Variants in NEURL1B observed in about 807,000 individuals in gnomAD.
NEURL1B encodes the protein neuralized E3 ubiquitin protein ligase 1B, also known as E3 ubiquitin-protein ligase NEURL1B.
In NEURL1B, 13 loss-of-function variants were observed where a neutral mutation model predicts 37.4. The ratio of observed to expected loss-of-function variants is 0.35; its 90% CI spans 0.23 to 0.55. The LOEUF (loss-of-function observed/expected upper bound fraction) is 0.55, where lower values mean the gene tolerates loss of function less well. Among genes scored for constraint, NEURL1B ranks in the 20% least tolerant of loss-of-function variants. The probability of loss-of-function intolerance (pLI) is 0.89; values close to 1 mark genes in which losing one functional copy is unlikely to be tolerated. For synonymous variants in NEURL1B, 432 were observed against 426.6 expected, an observed-to-expected ratio of 1.01 and a Z score of -0.16; for missense variants, 790 against 879.2, an observed-to-expected ratio of 0.90 and a Z score of 1.28.
rs1440480813 is a variant in NEURL1B, at chr5:172,670,021, C to T, written c.268C>T (p.Arg90Cys). The T allele has an allele frequency of 1.3e-6, 2 of 1,491,614 alleles. No individual in the cohort carries two copies. Among genetic ancestry groups the T allele is most frequent in the Admixed American group, 2.3e-5 (1 of 43,042 alleles). The allele number at this position is 1,491,614 out of a possible 1,614,324, so 92.4% of individuals were successfully genotyped here. A position where few individuals can be genotyped will look rare whatever the true frequency, so the allele number is the denominator to read the frequency against. ...EQVRLRLVAVRPGWSGALRFG... is the reference protein window; with the variant it reads ...EQVRLRLVAVCPGWSGALRFG... ...GGTGCGGCTGCGCCTGGTGGCCGTG[C>T]GCCCTGGCTGGAGCGGCGCGCTGCG... Residue 90 changes from arginine to cysteine, a missense_variant, in exon 2 of 5, where the codon CGC becomes TGC. Arg to Cys is a radical substitution (Grantham distance 180, BLOSUM62 -3). Transcript: ENST00000369800.
At chr5:172,670,642 C>CTCATTCATTCAT (rs111734526) in intron 2 of NEURL1B, among the ~76,000 whole-genome samples, 1 of 152,136 alleles carries the variant, frequency 6.6e-6, no homozygotes, top group African/African-American at 2.4e-5. Context: ...AGTTTATTTG[C>CTCATTCATTCAT]TCATTCATTC....
intron 1 of NEURL1B, among the ~76,000 whole-genome samples, chr5:172,656,344 G>GT (rs1429719985): frequency 2.0e-5 from 3 of 151,906 alleles, no homozygotes; most frequent in Non-Finnish European, 1.5e-5. Flanking sequence ...AGGAAGTTAA[G>GT]TTTATTTTTT....
At chr5:172,646,426 T>C (rs981197633) in intron 1 of NEURL1B, among the ~76,000 whole-genome samples, 1 of 152,224 alleles carries the variant, frequency 6.6e-6, no homozygotes, top group Non-Finnish European at 1.5e-5. Context: ...CAGGTGCCCT[T>C]CACTCCTTGC....
chr5:172,651,550 G>C (rs149500553), intron 1 of NEURL1B, among the ~76,000 whole-genome samples: 5,272 of 152,190 alleles, frequency 0.035, 265 homozygotes, highest in African/African-American at 0.12. Context: ...TGGGATGAAG[G>C]TGCAACATTG....
At position 172,641,982 on chromosome 5, in the gene NEURL1B, A is replaced by G. The variant is rs988804459; in HGVS notation, c.31+545A>G. Reference sequence around the variant, plus strand: ...TGCGCCCCCCTCTGGTGTCCGCTCCACTGGGGACTCCTTCGCCCCCTCGGA... The same window carrying G: ...TGCGCCCCCCTCTGGTGTCCGCTCCGCTGGGGACTCCTTCGCCCCCTCGGA... On this transcript the variant is annotated intron_variant, in intron 1 of 4. Coordinates refer to ENST00000369800, the MANE Select transcript of NEURL1B (RefSeq NM_001142651.3). The surrounding 1 kb of genome is among the most constrained non-coding windows in gnomAD (Gnocchi z 6.4). 6.6e-6 allele frequency among the ~76,000 whole-genome samples: 1 copy of G among 152,042 alleles called. No homozygotes were observed. Among genetic ancestry groups the G allele is most frequent in the Non-Finnish European group, 1.5e-5 (1 of 67,998 alleles).
At chr5:172,680,352 T>C (rs886091491) in intron 2 of NEURL1B, among the ~76,000 whole-genome samples, 1 of 152,022 alleles carries the variant, frequency 6.6e-6, no homozygotes, top group African/African-American at 2.4e-5. Context: ...GGCCATGCTC[T>C]TAATAAGGAT....
chr5:172,669,242 T>G (rs1310492906), intron 1 of NEURL1B, among the ~76,000 whole-genome samples: 1 of 152,190 alleles, frequency 6.6e-6, no homozygotes, highest in Non-Finnish European at 1.5e-5. Context: ...GTGCCAGAGC[T>G]GGGATTCAGG....
At chr5:172,667,791 C>A (rs1686867706) in intron 1 of NEURL1B, among the ~76,000 whole-genome samples, 1 of 152,026 alleles carries the variant, frequency 6.6e-6, no homozygotes, top group South Asian at 2.1e-4. Flanking sequence ...TCAATAAGGT[C>A]TCATTGCATT....
chr5:172,683,376 G>C lies in NEURL1B; in HGVS notation c.578-43G>C. On this transcript the variant is annotated intron_variant, in intron 2 of 4. Coordinates refer to ENST00000369800, the MANE Select transcript of NEURL1B (RefSeq NM_001142651.3). The surrounding 1 kb of genome is among the most constrained non-coding windows in gnomAD (Gnocchi z 5.6). ...AGGAGGGGCTCGCGACCAGCCTGAC[G>C]CGCGGCCTCTCCCCCTCCATGTCCC... 1.3e-5 allele frequency: 16 copies of C among 1,279,640 alleles called. No individual in the cohort carries two copies. The highest frequency in any genetic ancestry group is 1.6e-5 in the Non-Finnish European group (16 of 1,009,192). The allele number at this position is 1,279,640 out of a possible 1,614,324, so 79.3% of individuals were successfully genotyped here.
intron 3 of NEURL1B, among the ~76,000 whole-genome samples, chr5:172,685,288 G>A (rs779873932): frequency 6.6e-6 from 1 of 152,190 alleles, no homozygotes; most frequent in Non-Finnish European, 1.5e-5. Flanking sequence ...AGGAGGAGCC[G>A]GGTGGCAGTG....
Position 172,647,031 on chromosome 5 carries a change from C to T in NEURL1B, c.31+5594C>T, listed in dbSNP as rs975938963. Among the ~76,000 whole-genome samples the T allele has an allele frequency of 4.6e-5, 7 of 152,266 alleles. No individual in the cohort carries two copies. The highest frequency in any genetic ancestry group is 4.8e-5 in the African/African-American group (2 of 41,554). ...ATTTCTCAGCTGCCACACTCCCAACCGGGATAATGTGCTGTGTTTGCCAGC... is the reference window on the plus strand; with the variant it reads ...ATTTCTCAGCTGCCACACTCCCAACTGGGATAATGTGCTGTGTTTGCCAGC... On this transcript the variant is annotated intron_variant, in intron 1 of 4. Coordinates refer to ENST00000369800, the MANE Select transcript of NEURL1B (RefSeq NM_001142651.3). The surrounding 1 kb of genome is among the most constrained non-coding windows in gnomAD (Gnocchi z 4.2).
chr5:172,649,469 C>A (rs981869672), intron 1 of NEURL1B, among the ~76,000 whole-genome samples: 7 of 147,742 alleles, frequency 4.7e-5, no homozygotes, highest in African/African-American at 1.7e-4. Context: ...TCAAGCAACT[C>A]TCCTGCCTCA....
At chr5:172,663,354 C>T (rs1757939204) in intron 1 of NEURL1B, among the ~76,000 whole-genome samples, 1 of 151,734 alleles carries the variant, frequency 6.6e-6, no homozygotes, top group Admixed American at 6.6e-5. Context: ...AACCCTGTCT[C>T]TACTAAAAAT....
At chr5:172,643,150 C>T (rs770836931) in intron 1 of NEURL1B, among the ~76,000 whole-genome samples, 23 of 152,124 alleles carry the variant, frequency 1.5e-4, no homozygotes, top group Non-Finnish European at 3.1e-4. Flanking sequence ...GTCTGGGAGC[C>T]GGCAGTTAAG....
In NEURL1B at chr5:172,641,358, C is replaced by T; in HGVS notation, c.-49C>T. On this transcript the variant is annotated 5_prime_UTR_variant, in exon 1 of 5. Transcript: ENST00000369800. The surrounding 1 kb of genome is among the most constrained non-coding windows in gnomAD (Gnocchi z 6.4). ...GTCCCTGGCCCGCCGCGTAATTAGC[C>T]TCCGCGCGCCCAGAGCGCGCCGCCG... is the stretch of plus-strand genomic sequence containing the variant. 1 of 1,378,844 alleles carries T rather than the reference C, an allele frequency of 7.3e-7. No homozygotes were observed. The highest frequency in any genetic ancestry group is 9.4e-7 in the Non-Finnish European group (1 of 1,065,984). 85.4% of individuals were successfully genotyped at this position (1,378,844 alleles called of 1,614,324 possible).
At position 172,653,336 on chromosome 5, in the gene NEURL1B, A is replaced by C. The variant is rs113957196; in HGVS notation, c.31+11899A>C. On this transcript the variant is annotated intron_variant, in intron 1 of 4. Coordinates refer to ENST00000369800, the MANE Select transcript of NEURL1B (RefSeq NM_001142651.3). ...CCATTTTATATTTGACAATGCTTCC[A>C]GTATGATTTTTATACCAGATAAGCT... Among the ~76,000 whole-genome samples the C allele has an allele frequency of 2.6e-5, 4 of 152,172 alleles. No homozygotes were observed. The East Asian group carries it at 7.7e-4, about 29-fold the overall frequency.
Position 172,678,936 on chromosome 5 carries a change from A to G in NEURL1B, c.578-4483A>G, listed in dbSNP as rs565857592. Among the ~76,000 whole-genome samples, 3 of 152,358 alleles carry G rather than the reference A, an allele frequency of 2.0e-5. No homozygotes were observed. In the East Asian group the frequency reaches 5.8e-4, roughly 29 times the overall value. The stretch of plus-strand genomic sequence containing the variant: ...GACCTAAGAGAGAAAGGGGAGGGGA[A>G]AAAGGGAAGAGCTAGGCCCTGGAAG... On this transcript the variant is annotated intron_variant, in intron 2 of 4. Coordinates refer to ENST00000369800, the MANE Select transcript of NEURL1B (RefSeq NM_001142651.3).
intron 2 of NEURL1B, among the ~76,000 whole-genome samples, chr5:172,673,481 G>T (rs1255153455): frequency 1.3e-5 from 2 of 152,122 alleles, no homozygotes; most frequent in Admixed American, 1.3e-4. Flanking sequence ...ACCACAATCA[G>T]GTCCCACTGG....
chr5:172,684,133 TCCTCGGTGAGTCC>T lies in NEURL1B; in HGVS notation c.1295_1297+10del. 1.6e-6 allele frequency: 2 copies of T among 1,249,198 alleles called. No individual in the cohort carries two copies. The highest frequency in any genetic ancestry group is 2.0e-6 in the Non-Finnish European group (2 of 996,144). The allele number at this position is 1,249,198 out of a possible 1,614,324, so 77.4% of individuals were successfully genotyped here. On this transcript the variant is annotated splice_donor_variant and splice_donor_5th_base_variant and coding_sequence_variant and intron_variant, in exon 3 of 5. Coordinates refer to ENST00000369800, the MANE Select transcript of NEURL1B (RefSeq NM_001142651.3). LOFTEE classifies it high-confidence loss of function. ...GGCGGCGTCGCGGGCCAGCTGCGTC[TCCTCGGTGAGTCC>T]CCGGCCCCGCGTGCGCGAGGCCCCG...
Sources: allele counts gnomAD v4.1 joint callset (sites outside exome capture counted in the v4.1 genomes callset), GRCh38; gene constraint gnomAD v4.1.1; non-coding constraint Gnocchi (gnomAD v3.1); transcripts MANE v1.5; gene names NCBI Gene and HGNC (gene_info 2026-07-23, HGNC 2026-07-21).